The following HEXD variants were observed in gnomAD, a reference collection of about 807,000 sequenced individuals.
HEXD encodes N-acetyl-beta-galactosaminidase.
HEXD carries 47 observed loss-of-function variants against 54.2 expected under a neutral mutation model. That is an observed-to-expected ratio of 0.87 (90% confidence interval 0.69 to 1.11). HEXD has a LOEUF of 1.11. HEXD is among the 50% of genes least tolerant of loss of function. The pLI, the probability that HEXD is intolerant of heterozygous loss-of-function variation, is 0.00. For missense variants in HEXD, 576 were observed against 649.2 expected, an observed-to-expected ratio of 0.89 and a Z score of 1.23; for synonymous variants, 293 against 287.6, an observed-to-expected ratio of 1.02 and a Z score of -0.19.
intron 11 of HEXD, among the ~76,000 whole-genome samples, chr17:82,441,508 G>A (rs1203602772): frequency 2.1e-5 from 3 of 145,318 alleles, no homozygotes; most frequent in Non-Finnish European, 3.0e-5. Flanking sequence ...GCAGGCATGG[G>A]GCAGGTGCGG....
chr17:82,439,111 G>A (rs1386771397), intron 8 of HEXD, among the ~76,000 whole-genome samples: 1 of 152,254 alleles, frequency 6.6e-6, no homozygotes, highest in East Asian at 1.9e-4. Context: ...GCCCTCGCTT[G>A]GGACAGATGC....
At position 82,439,731 on chromosome 17, in the gene HEXD, A is replaced by G. The variant is rs1342121720; in HGVS notation, c.982+18A>G. 1.9e-6 allele frequency: 3 copies of G among 1,598,808 alleles called. No individual in the cohort carries two copies. The African/African-American group carries it at 4.0e-5, about 21-fold the overall frequency. On this transcript the variant is annotated intron_variant, in intron 9 of 12. Coordinates refer to ENST00000327949, the MANE Select transcript of HEXD (RefSeq NM_001330542.2). ...TCTACGCGGTATGTCTGGTCTGGCC[A>G]CCCCAAGCCCCACCGGCCCCTCCCC...
At chr17:82,439,312 G>T (rs1417818141) in intron 8 of HEXD, 2 of 472,584 alleles carry the variant, frequency 4.2e-6, no homozygotes, top group African/African-American at 2.1e-5. Context: ...TCAGAGGCCA[G>T]AGGTGCTGGG....
intron 3 of HEXD, chr17:82,426,068 AAGACAGAG>A (rs2053404398): frequency 6.6e-6 from 1 of 152,466 alleles, no homozygotes; most frequent in African/African-American, 2.4e-5. Context: ...GGGTTAAAGA[AAGACAGAG>A]AGAGAGAGGG....
At chr17:82,424,977 C>CAGAGAAGGCTGGGCT (rs2053357988) in intron 3 of HEXD, among the ~76,000 whole-genome samples, 1 of 147,070 alleles carries the variant, frequency 6.8e-6, no homozygotes, top group Non-Finnish European at 1.5e-5. Context: ...TAGAGAAGGC[C>CAGAGAAGGCTGGGCT]AGAGAAGGCT....
At chr17:82,432,993 G>A (rs1332433387) in intron 4 of HEXD, among the ~76,000 whole-genome samples, 8 of 141,334 alleles carry the variant, frequency 5.7e-5, no homozygotes, top group Non-Finnish European at 1.2e-4. Flanking sequence ...GTGAACCTGG[G>A]AGGCAGAGCT....
intron 4 of HEXD, among the ~76,000 whole-genome samples, chr17:82,433,122 ATATATATTTTTTTT>A (rs2053650241): frequency 5.7e-5 from 1 of 17,436 alleles, no homozygotes; most frequent in Non-Finnish European, 8.1e-5. Flanking sequence ...ATATATATAT[ATATATATTTTTTTT>A]TTTTTTTTAT....
rs770498526 is a variant in HEXD, at chr17:82,435,605, C to T, written c.448-84C>T. 7.3e-4 allele frequency: 1,028 copies of T among 1,409,118 alleles called. 6 individuals carry two copies. Among genetic ancestry groups the T allele is most frequent in the South Asian group, 2.9e-3 (218 of 76,344 alleles). 87.3% of individuals were successfully genotyped at this position (1,409,118 alleles called of 1,614,324 possible). A position where few individuals can be genotyped will look rare whatever the true frequency, so the allele number is the denominator to read the frequency against. On this transcript the variant is annotated intron_variant, in intron 5 of 12. Transcript: ENST00000327949. ...CCTCCCCACAGGCAGCGGCCCCTCT[C>T]CGTCAGGGCACGGCGTGAACCCCGG... is the stretch of plus-strand genomic sequence containing the variant.
At chr17:82,439,886 A>T in intron 9 of HEXD, 173 bp downstream of exon 9, 1 of 1,532,846 alleles carries the variant, frequency 6.5e-7, no homozygotes, top group Non-Finnish European at 8.7e-7. Context: ...AAGTCCACCC[A>T]GGCTGGGCCT....
At chr17:82,440,923 C>T in intron 9 of HEXD, 74 bp from the exon 10 acceptor site, 4 of 1,526,880 alleles carry the variant, frequency 2.6e-6, no homozygotes, top group Non-Finnish European at 3.6e-6. Context: ...AGTACCTAGG[C>T]CTGCAGGTCC....
rs185695039 is a variant in HEXD, at chr17:82,439,986, G to A, written c.982+273G>A. 3.0e-4 allele frequency: 439 copies of A among 1,444,106 alleles called. 1 individual carries two copies. Among genetic ancestry groups the A allele is most frequent in the Middle Eastern group, 3.6e-4 (2 of 5,542 alleles). The allele number at this position is 1,444,106 out of a possible 1,614,324, so 89.5% of individuals were successfully genotyped here. A position where few individuals can be genotyped will look rare whatever the true frequency, so the allele number is the denominator to read the frequency against. ...ACACAGTGAATCCGCAGAAATGCAC[G>A]CAGGTCGGAGGTGGGGAACGGCTCC... On this transcript the variant is annotated intron_variant, in intron 9 of 12. Transcript: ENST00000327949.
chr17:82,433,932 C>A, intron 5 of HEXD, 110 bp downstream of exon 5: 1 of 984,404 alleles, frequency 1.0e-6, no homozygotes, highest in Non-Finnish European at 1.5e-6. Flanking sequence ...GCTTGTTGTT[C>A]CCCTCAGGGC....
intron 2 of HEXD, among the ~76,000 whole-genome samples, chr17:82,420,598 C>T (rs1034346690): frequency 1.3e-5 from 2 of 152,192 alleles, no homozygotes; most frequent in African/African-American, 2.4e-5. Context: ...GACGGAGTCT[C>T]GCTCTGTCAT....
At position 82,428,639 on chromosome 17, in the gene HEXD, C is replaced by T. The variant is rs533731804; in HGVS notation, c.276C>T (p.His92=). The T allele has an allele frequency of 5.6e-6, 9 of 1,612,858 alleles. No individual in the cohort carries two copies. Among genetic ancestry groups the T allele is most frequent in the Middle Eastern group, 1.7e-4 (1 of 6,040 alleles). The change falls in exon 4 of 13, where the codon CAC becomes CAT. Residue 92 remains histidine, a synonymous_variant. Transcript: ENST00000327949. ...EVIPLVQTFG[H]MEFVLKHTAF... ...TTCCCTTGGTGCAGACATTTGGACA[C>T]ATGGAGGTGAGTGGCAGAAATGGAA... is the stretch of plus-strand genomic sequence containing the variant.
intron 4 of HEXD, among the ~76,000 whole-genome samples, chr17:82,430,880 C>T (rs559672349): frequency 2.3e-4 from 35 of 152,102 alleles, no homozygotes; most frequent in Middle Eastern, 3.4e-3. Context: ...TTGTGATCAC[C>T]AGATCACAAA....
At chr17:82,424,698 C>T (rs2053346018) in intron 3 of HEXD, among the ~76,000 whole-genome samples, 195 bp downstream of exon 3, 1 of 152,254 alleles carries the variant, frequency 6.6e-6, no homozygotes, top group Non-Finnish European at 1.5e-5. Context: ...TTCAAACATT[C>T]ACTGGAGAGA....
intron 9 of HEXD, among the ~76,000 whole-genome samples, chr17:82,440,794 C>T (rs555654700): frequency 1.3e-5 from 2 of 152,320 alleles, no homozygotes; most frequent in East Asian, 1.9e-4. Flanking sequence ...AAATAAGGAA[C>T]GTATTTCACG....
chr17:82,441,939 C>G, intron 12 of HEXD, 50 bp downstream of exon 12: 1 of 1,556,142 alleles, frequency 6.4e-7, no homozygotes, highest in Non-Finnish European at 8.8e-7. Context: ...TCCCTGAGAA[C>G]TGCTGCTGTT....
intron 9 of HEXD, 197 bp downstream of exon 9, chr17:82,439,910 C>T (rs914355050): frequency 1.3e-6 from 2 of 1,525,986 alleles, no homozygotes; most frequent in Admixed American, 3.9e-5. Flanking sequence ...TCTGGGTCTC[C>T]AGGCCTAAGC....
Sources: gnomAD v4.1 joint callset for allele counts (sites outside exome capture counted in the v4.1 genomes callset) on GRCh38, gnomAD v4.1.1 for gene constraint, MANE v1.5 for transcripts, NCBI Gene and HGNC (gene_info 2026-07-23, HGNC 2026-07-21) for gene names.